PRKN: variants seen among roughly 807,000 people sequenced by gnomAD.
PRKN encodes parkin RBR E3 ubiquitin protein ligase, also known as E3 ubiquitin-protein ligase parkin.
Under a neutral mutation model 59.5 loss-of-function variants are expected in PRKN, and 56 were observed. The ratio of observed to expected loss-of-function variants is 0.94; its 90% CI spans 0.76 to 1.18. PRKN has a LOEUF of 1.18. Among genes scored for constraint, PRKN ranks in the 50% most tolerant of loss-of-function variants. The probability of loss-of-function intolerance (pLI) is 0.00; values close to 1 mark genes in which losing one functional copy is unlikely to be tolerated. For missense variants in PRKN, 657 were observed against 596.4 expected (o/e 1.10, Z -1.06); for synonymous variants, 250 against 222.1 (o/e 1.13, Z -1.12).
rs140404723 is a variant in PRKN, at chr6:161,627,545, C to T, written c.872-58129G>A. Among the ~76,000 whole-genome samples, 4 of 152,336 alleles carry T rather than the reference C, an allele frequency of 2.6e-5. No individual in the cohort carries two copies. The East Asian group carries it at 5.8e-4, about 22-fold the overall frequency. On this transcript the variant is annotated intron_variant, in intron 7 of 11. Transcript: ENST00000366898. ...ATCGCCAGACAGTCAGTTACAAACA[C>T]TGAGAAGACCTCCAAAGGTCTTTAT...
At chr6:161,528,500 A>AG (rs1242721365) in intron 9 of PRKN, among the ~76,000 whole-genome samples, 2 of 152,194 alleles carry the variant, frequency 1.3e-5, no homozygotes, top group Non-Finnish European at 2.9e-5. Flanking sequence ...ACTCCCATTG[A>AG]GAAAAGATCC....
At chr6:162,266,299 TGTG>T (rs1341213643) in intron 2 of PRKN, among the ~76,000 whole-genome samples, 7 of 40,234 alleles carry the variant, frequency 1.7e-4, no homozygotes, top group African/African-American at 1.6e-3. Flanking sequence ...ACATATATAT[TGTG>T]TGTGTGTGTG....
At chr6:162,703,773 A>C (rs143650293) in intron 1 of PRKN, among the ~76,000 whole-genome samples, 55 of 152,288 alleles carry the variant, frequency 3.6e-4, no homozygotes, top group Non-Finnish European at 7.5e-4. Context: ...CCACACACAC[A>C]CTGGTTGGCA....
At chr6:162,246,435 A>G (rs1469469069) in intron 3 of PRKN, among the ~76,000 whole-genome samples, 1 of 152,158 alleles carries the variant, frequency 6.6e-6, no homozygotes, top group East Asian at 1.9e-4. Flanking sequence ...TTGGTTGTTG[A>G]AGAAAAATAA....
At chr6:162,722,153 C>G (rs1224656906) in intron 1 of PRKN, among the ~76,000 whole-genome samples, 1 of 152,086 alleles carries the variant, frequency 6.6e-6, no homozygotes, top group Admixed American at 6.6e-5. Context: ...CAAATACAAC[C>G]TATGTGTACC....
intron 1 of PRKN, among the ~76,000 whole-genome samples, chr6:162,701,929 T>C (rs1030603220): frequency 6.6e-6 from 1 of 151,430 alleles, no homozygotes; most frequent in African/African-American, 2.4e-5. Context: ...TGAAAGCATA[T>C]AGGGAATAGT....
chr6:162,001,482 C>T (rs536699796), intron 5 of PRKN, among the ~76,000 whole-genome samples: 8 of 151,960 alleles, frequency 5.3e-5, no homozygotes, highest in South Asian at 2.1e-4. Flanking sequence ...AAGCAATTGA[C>T]GTTTGCACAT....
chr6:161,877,461 ATT>A (rs35664661), intron 6 of PRKN, among the ~76,000 whole-genome samples: 20 of 141,280 alleles, frequency 1.4e-4, no homozygotes, highest in African/African-American at 1.6e-4. Flanking sequence ...ACATATTTGC[ATT>A]TTTTTTTTTT....
At chr6:161,813,677 C>G (rs756952388) in intron 6 of PRKN, among the ~76,000 whole-genome samples, 85 of 152,308 alleles carry the variant, frequency 5.6e-4, no homozygotes, top group Non-Finnish European at 1.0e-3. Context: ...CCACAAGGCT[C>G]CCCTGATCTC....
intron 6 of PRKN, among the ~76,000 whole-genome samples, chr6:161,855,858 T>C (rs1409762266): frequency 6.6e-6 from 1 of 152,192 alleles, no homozygotes; most frequent in East Asian, 1.9e-4. Flanking sequence ...AAATATTATC[T>C]AACATAAGAA....
intron 6 of PRKN, among the ~76,000 whole-genome samples, chr6:161,820,845 T>C (rs987431948): frequency 2.0e-5 from 3 of 151,622 alleles, no homozygotes; most frequent in Non-Finnish European, 4.4e-5. Context: ...ATGTGTAACA[T>C]AGTATGCGTA....
At chr6:162,544,765 C>A (rs1252912093) in intron 1 of PRKN, among the ~76,000 whole-genome samples, 4 of 148,780 alleles carry the variant, frequency 2.7e-5, no homozygotes, top group Non-Finnish European at 5.9e-5. Context: ...GCAACCTCCG[C>A]CTCCCGGGTT....
chr6:161,553,935 C>T (rs950840212), intron 8 of PRKN, among the ~76,000 whole-genome samples: 19 of 152,170 alleles, frequency 1.2e-4, no homozygotes, highest in Admixed American at 6.5e-5. Context: ...TTTCCTGCTC[C>T]AGGCCAGGAA....
At chr6:162,382,263 G>A (rs1440602091) in intron 2 of PRKN, among the ~76,000 whole-genome samples, 1 of 151,988 alleles carries the variant, frequency 6.6e-6, no homozygotes, top group African/African-American at 2.4e-5. Flanking sequence ...AGAAGCAACT[G>A]TTAACTAGAA....
chr6:161,542,285 G>A (rs1779643376), intron 9 of PRKN, among the ~76,000 whole-genome samples: 2 of 152,156 alleles, frequency 1.3e-5, no homozygotes, highest in Admixed American at 1.3e-4. Flanking sequence ...GATCATTGTA[G>A]TTAAGTTTAA....
chr6:161,628,229 G>T (rs896152120), intron 7 of PRKN, among the ~76,000 whole-genome samples: 2 of 152,190 alleles, frequency 1.3e-5, no homozygotes, highest in African/African-American at 4.8e-5. Flanking sequence ...GAAGAAATGA[G>T]TGTCTTAGTC....
chr6:161,665,284 T>A (rs1034626682), intron 7 of PRKN, among the ~76,000 whole-genome samples: 1 of 152,174 alleles, frequency 6.6e-6, no homozygotes, highest in Non-Finnish European at 1.5e-5. Flanking sequence ...AAAGGCCAAC[T>A]CTATATGTGG....
intron 7 of PRKN, among the ~76,000 whole-genome samples, chr6:161,595,373 TA>T (rs1781877871): frequency 6.6e-6 from 1 of 152,102 alleles, no homozygotes; most frequent in Admixed American, 6.6e-5. Flanking sequence ...GCAGGGGAGC[TA>T]TGTTATTCAA....
At chr6:161,411,848 TCATTCCTTCCTCACC>T in intron 9 of PRKN, among the ~76,000 whole-genome samples, 1 of 144,672 alleles carries the variant, frequency 6.9e-6, no homozygotes, top group Admixed American at 6.8e-5. Flanking sequence ...CATTCCTCCC[TCATTCCTTCCTCACC>T]CATTCCTTCT....
Sources: allele counts gnomAD v4.1 joint callset (sites outside exome capture counted in the v4.1 genomes callset), GRCh38; gene constraint gnomAD v4.1.1; transcripts MANE v1.5; gene names NCBI Gene and HGNC (gene_info 2026-07-23, HGNC 2026-07-21).